RBFOX1: variants seen among roughly 807,000 people sequenced by gnomAD.
RBFOX1 encodes RNA binding fox-1 homolog 1, also known as RNA binding protein fox-1 homolog 1.
RBFOX1 carries 8 observed loss-of-function variants against 57.7 expected under a neutral mutation model. That is an observed-to-expected ratio of 0.14 (90% CI 0.08 to 0.25). The LOEUF is 0.25. RBFOX1 is among the 10% of genes least tolerant of loss of function. The probability of loss-of-function intolerance (pLI) is 1.00; values close to 1 mark genes in which losing one functional copy is unlikely to be tolerated. For synonymous variants in RBFOX1, 326 were observed against 222.4 expected, an observed-to-expected ratio of 1.47 and a Z score of -4.15; for missense variants, 611 against 548.5, an observed-to-expected ratio of 1.11 and a Z score of -1.14.
At chr16:5,950,411 C>G (rs1018064308) in intron 4 of RBFOX1, among the ~76,000 whole-genome samples, 1 of 152,158 alleles carries the variant, frequency 6.6e-6, no homozygotes, top group Non-Finnish European at 1.5e-5. Context: ...AGTTAATTGT[C>G]ACATTGGCAG....
At chr16:5,727,245 C>A in intron 3 of RBFOX1, among the ~76,000 whole-genome samples, 1 of 144,826 alleles carries the variant, frequency 6.9e-6, no homozygotes, top group East Asian at 1.9e-4. Context: ...GCACTCCAGC[C>A]TGGGCAACAG....
rs967256858 is a variant in RBFOX1, at chr16:6,372,254, G to C, written c.-64+55197G>C. 4.6e-5 allele frequency among the ~76,000 whole-genome samples: 7 copies of C among 152,076 alleles called. No homozygotes were observed. The East Asian group carries it at 1.4e-3, about 30-fold the overall frequency. ...GGTAGGAGTATTGTTGGGTGGAATA[G>C]AGATTGGGTGGAAGTATACTCGGAT... On this transcript the variant is annotated intron_variant, in intron 2 of 15. Transcript: ENST00000550418.
At chr16:5,941,619 C>T (rs906889317) in intron 4 of RBFOX1, among the ~76,000 whole-genome samples, 1 of 152,076 alleles carries the variant, frequency 6.6e-6, no homozygotes, top group African/African-American at 2.4e-5. Flanking sequence ...ATAATATGTG[C>T]TCAATTAAAA....
intron 1 of RBFOX1, among the ~76,000 whole-genome samples, chr16:6,054,464 TGAC>T (rs2095590125): frequency 6.6e-6 from 1 of 152,232 alleles, no homozygotes; most frequent in Non-Finnish European, 1.5e-5. Flanking sequence ...CTTTCCCACT[TGAC>T]AGACTAACTC....
chr16:6,117,665 T>G (rs1477248875), intron 1 of RBFOX1, among the ~76,000 whole-genome samples: 1 of 152,276 alleles, frequency 6.6e-6, no homozygotes, highest in East Asian at 1.9e-4. Context: ...TGCTGGCACC[T>G]AGGTCTTGAA....
intron 3 of RBFOX1, among the ~76,000 whole-genome samples, chr16:6,751,793 C>T (rs562220486): frequency 6.6e-6 from 1 of 152,112 alleles, no homozygotes; most frequent in Non-Finnish European, 1.5e-5. Flanking sequence ...GTGTGATTAT[C>T]GTAACCCACT....
intron 2 of RBFOX1, among the ~76,000 whole-genome samples, chr16:6,354,258 T>A (rs970553076): frequency 9.9e-5 from 15 of 151,616 alleles, no homozygotes; most frequent in Non-Finnish European, 1.8e-4. Context: ...TAGATATATA[T>A]AAAAAAAATA....
chr16:7,317,030 G>A (rs1030489812), intron 4 of RBFOX1, among the ~76,000 whole-genome samples: 1 of 151,070 alleles, frequency 6.6e-6, no homozygotes, highest in Non-Finnish European at 1.5e-5. Flanking sequence ...GGAGTTAAAT[G>A]ACCATATTTA....
intron 4 of RBFOX1, among the ~76,000 whole-genome samples, chr16:7,127,142 C>T (rs1199596537): frequency 6.6e-6 from 1 of 152,094 alleles, no homozygotes; most frequent in Non-Finnish European, 1.5e-5. Context: ...TGGTGTTCTA[C>T]CCCTGACTGT....
chr16:5,418,923 G>A (rs2067236052), intron 1 of RBFOX1, among the ~76,000 whole-genome samples: 1 of 152,166 alleles, frequency 6.6e-6, no homozygotes. Context: ...GAAGGGTGGT[G>A]CCCCAGCTCA....
chr16:7,578,120 TA>T (rs1330428075), intron 5 of RBFOX1, among the ~76,000 whole-genome samples: 1 of 152,230 alleles, frequency 6.6e-6, no homozygotes, highest in Non-Finnish European at 1.5e-5. Context: ...TTTTGGTATT[TA>T]AAAAACTTGC....
chr16:6,966,789 A>ATCTGTCTG (rs796374772), intron 3 of RBFOX1, among the ~76,000 whole-genome samples: 17 of 127,880 alleles, frequency 1.3e-4, no homozygotes, highest in Non-Finnish European at 1.6e-4. Flanking sequence ...CTATCTATCT[A>ATCTGTCTG]TCTGTCTGTC....
At chr16:6,744,043 TA>T (rs1447197126) in intron 3 of RBFOX1, among the ~76,000 whole-genome samples, 3 of 151,966 alleles carry the variant, frequency 2.0e-5, no homozygotes, top group Non-Finnish European at 4.4e-5. Flanking sequence ...TAAAAAGTAA[TA>T]AAGATACAGA....
At chr16:7,189,167 T>G (rs1002463615) in intron 4 of RBFOX1, among the ~76,000 whole-genome samples, 2 of 151,970 alleles carry the variant, frequency 1.3e-5, no homozygotes, top group African/African-American at 4.8e-5. Context: ...GGCTCATGCC[T>G]GTAATCCCAG....
chr16:7,031,529 G>A, intron 3 of RBFOX1, among the ~76,000 whole-genome samples: 1 of 151,830 alleles, frequency 6.6e-6, no homozygotes, highest in Non-Finnish European at 1.5e-5. Context: ...CCGTAAGGTG[G>A]AGGCTGCAGT....
At chr16:6,636,578 G>C (rs2098435669) in intron 2 of RBFOX1, among the ~76,000 whole-genome samples, 1 of 151,434 alleles carries the variant, frequency 6.6e-6, no homozygotes, top group Non-Finnish European at 1.5e-5. Context: ...CTTTTATTTG[G>C]TTTAAGTTAT....
intron 12 of RBFOX1, among the ~76,000 whole-genome samples, chr16:7,664,034 A>G (rs1026655347): frequency 1.3e-5 from 2 of 152,228 alleles, no homozygotes; most frequent in Non-Finnish European, 2.9e-5. Flanking sequence ...AGCTGCTATC[A>G]GATTGGGCTT....
intron 4 of RBFOX1, among the ~76,000 whole-genome samples, chr16:7,054,862 A>G (rs954096728): frequency 3.3e-5 from 5 of 152,158 alleles, no homozygotes; most frequent in African/African-American, 1.2e-4. Flanking sequence ...ATATAAGTGG[A>G]TAGTTGTCAA....
chr16:6,788,393 T>C (rs1393033460), intron 3 of RBFOX1, among the ~76,000 whole-genome samples: 1 of 152,056 alleles, frequency 6.6e-6, no homozygotes, highest in African/African-American at 2.4e-5. Context: ...ATAATAATTA[T>C]TATCGTCTCT....
Sources: allele counts gnomAD v4.1 joint callset (sites outside exome capture counted in the v4.1 genomes callset), GRCh38; gene constraint gnomAD v4.1.1; transcripts MANE v1.5; gene names NCBI Gene and HGNC (gene_info 2026-07-23, HGNC 2026-07-21).